The following PLA2G4C variants were observed in gnomAD, a reference collection of about 807,000 sequenced individuals.
The protein encoded by PLA2G4C is cytosolic phospholipase A2 gamma.
PLA2G4C carries 64 observed loss-of-function variants against 73.8 expected under a neutral mutation model. The observed-to-expected ratio is 0.87, with a 90% CI of 0.71 to 1.07. The LOEUF (loss-of-function observed/expected upper bound fraction) is 1.07, where lower values mean the gene tolerates loss of function less well. Among genes scored for constraint, PLA2G4C ranks in the 50% least tolerant of loss-of-function variants. The probability of loss-of-function intolerance (pLI) is 0.00; values close to 1 mark genes in which losing one functional copy is unlikely to be tolerated. For missense variants in PLA2G4C, 622 were observed against 665.4 expected, an observed-to-expected ratio of 0.93 and a Z score of 0.72; for synonymous variants, 254 against 252.1, an observed-to-expected ratio of 1.01 and a Z score of -0.07.
chr19:48,087,700 C>T (rs1259594349), intron 9 of PLA2G4C, among the ~76,000 whole-genome samples: 2 of 151,928 alleles, frequency 1.3e-5, no homozygotes, highest in Non-Finnish European at 2.9e-5. Flanking sequence ...TTTGGGAGGC[C>T]GAGGTGGGCG....
In PLA2G4C at chr19:48,065,158, T is replaced by C. The variant is rs537274641; in HGVS notation, c.1102+2633A>G. On this transcript the variant is annotated intron_variant, in intron 13 of 16. Transcript: ENST00000599921. ...GTGGTTGGGGCACAGCCTAGGTTTA[T>C]ACATTTTAGGGAGATATGAGACATC... Among the ~76,000 whole-genome samples, 610 of 151,738 alleles carry C rather than the reference T, an allele frequency of 4.0e-3. 4 individuals carry two copies. Among genetic ancestry groups the C allele is most frequent in the African/African-American group, 0.014 (568 of 41,358 alleles).
Position 48,105,372 on chromosome 19 carries a change from C to T in PLA2G4C, c.81G>A (p.Val27=). 1 of 1,613,904 alleles carries T rather than the reference C, an allele frequency of 6.2e-7. No individual in the cohort carries two copies. Among genetic ancestry groups the T allele is most frequent in the South Asian group, 1.1e-5 (1 of 91,050 alleles). ...KAAVERRRLH[V]LKALKKLRIE... Reference sequence around the variant, plus strand: ...TCCTTAGCTTCTTCAGAGCTTTCAGCACATGAAGTCTTCGTCTCTCCACGG... The same window carrying T: ...TCCTTAGCTTCTTCAGAGCTTTCAGTACATGAAGTCTTCGTCTCTCCACGG... The change falls in exon 3 of 17, where the codon GTG becomes GTA. Residue 27 remains valine, a synonymous_variant. Coordinates refer to ENST00000599921, the MANE Select transcript of PLA2G4C (RefSeq NM_003706.3).
chr19:48,100,047 A>C, intron 4 of PLA2G4C, 187 bp from the exon 5 acceptor site: 3 of 500,942 alleles, frequency 6.0e-6, no homozygotes, highest in Non-Finnish European at 1.1e-5. Flanking sequence ...AGGAGGACTC[A>C]AAATCATCTG....
At position 48,055,041 on chromosome 19, in the gene PLA2G4C, C is replaced by T; in HGVS notation, c.1266G>A (p.Arg422=). The T allele has an allele frequency of 6.2e-7, 1 of 1,606,282 alleles. No homozygotes were observed. The highest frequency in any genetic ancestry group is 1.1e-5 in the South Asian group (1 of 89,850). The change falls in exon 15 of 17, where the codon CGG becomes CGA. Residue 422 remains arginine (R), a synonymous_variant. Transcript: ENST00000599921. ...FSAGDPFETI[R]ATTDYCRRHK... is the part of the protein sequence containing the mutation. ...GGCGGCGGCAGTAGTCAGTGGTAGC[C>T]CGGATGGTCTGAGAAGGAGGCAATA...
rs184299466 is a variant in PLA2G4C at position 48,103,030 on chromosome 19, A to G, written c.257+1558T>C. Reference sequence around the variant, plus strand: ...GGAACTAACCCAAAGCTGTTGAAATATAAGGCTTTCGTTGTTGTTGTTTGT... The same window carrying G: ...GGAACTAACCCAAAGCTGTTGAAATGTAAGGCTTTCGTTGTTGTTGTTTGT... On this transcript the variant is annotated intron_variant, in intron 4 of 16. Transcript: ENST00000599921. 2.1e-4 allele frequency among the ~76,000 whole-genome samples: 32 copies of G among 152,298 alleles called. No homozygotes were observed. In the East Asian group the frequency reaches 6.2e-3, roughly 29 times the overall value.
Position 48,110,531 on chromosome 19 carries a change from T to TGCTCCGGAATCCGGTACGGAGGCTTGG in PLA2G4C, c.-78_-77insCCAAGCCTCCGTACCGGATTCCGGAGC, listed in dbSNP as rs1555757408. On this transcript the variant is annotated 5_prime_UTR_variant, in exon 1 of 17. Transcript: ENST00000599921. The stretch of plus-strand genomic sequence containing the variant: ...GTGTGCGCATGCGCGGTGGAGCTTG[T>TGCTCCGGAATCCGGTACGGAGGCTTGG]GCTCCGGAATCCGGTGCGGAGGCTT... The TGCTCCGGAATCCGGTACGGAGGCTTGG allele has an allele frequency of 6.3e-4, 875 of 1,387,124 alleles. 8 individuals carry two copies. In the African/African-American group the frequency reaches 0.012, roughly 19 times the overall value. 85.9% of individuals were successfully genotyped at this position (1,387,124 alleles called of 1,614,324 possible). A position where few individuals can be genotyped will look rare whatever the true frequency, so the allele number is the denominator to read the frequency against.
chr19:48,091,883 CAAAAAAAA>C (rs35118449), intron 7 of PLA2G4C, among the ~76,000 whole-genome samples: 3 of 21,090 alleles, frequency 1.4e-4, no homozygotes, highest in East Asian at 2.1e-3. Context: ...GACTCCATCT[CAAAAAAAA>C]AAAAAAAAAA....
At chr19:48,076,871 A>T (rs1452610474) in intron 11 of PLA2G4C, among the ~76,000 whole-genome samples, 1 of 152,192 alleles carries the variant, frequency 6.6e-6, no homozygotes, top group Non-Finnish European at 1.5e-5. Flanking sequence ...TGGGTAAGCA[A>T]AATATAAACC....
intron 10 of PLA2G4C, among the ~76,000 whole-genome samples, chr19:48,082,496 CTTT>C (rs66641645): frequency 1.1e-3 from 120 of 106,264 alleles, no homozygotes; most frequent in Middle Eastern, 5.7e-3. Context: ...TTCTTTCTTT[CTTT>C]TTTTTTTTTT....
chr19:48,099,615 C>T (rs1029172381), intron 5 of PLA2G4C, 56 bp downstream of exon 5: 2 of 1,313,632 alleles, frequency 1.5e-6, no homozygotes, highest in East Asian at 2.3e-5. Context: ...TAACCCCACA[C>T]CCTGAGACCC....
At chr19:48,090,551 C>T (rs1329283562) in intron 7 of PLA2G4C, 134 bp from the exon 8 acceptor site, 2 of 709,224 alleles carry the variant, frequency 2.8e-6, no homozygotes, top group Non-Finnish European at 5.0e-6. Flanking sequence ...TCTTCCATTC[C>T]ATAAATATTT....
chr19:48,055,775 C>T (rs1488491391), intron 14 of PLA2G4C, among the ~76,000 whole-genome samples: 1 of 152,092 alleles, frequency 6.6e-6, no homozygotes. Context: ...GCTGGGATTA[C>T]AGACATGCTC....
At chr19:48,075,193 T>G (rs1423725181) in intron 11 of PLA2G4C, among the ~76,000 whole-genome samples, 1 of 150,936 alleles carries the variant, frequency 6.6e-6, no homozygotes, top group Non-Finnish European at 1.5e-5. Context: ...TTTATTTATT[T>G]ATTTATTTGA....
chr19:48,063,122 G>A lies in PLA2G4C; in HGVS notation c.1103-970C>T, dbSNP rs540632081. Among the ~76,000 whole-genome samples the A allele has an allele frequency of 1.2e-3, 176 of 152,186 alleles. 2 individuals are homozygous for A. Among genetic ancestry groups the A allele is most frequent in the African/African-American group, 4.1e-3 (170 of 41,520 alleles). ...TGCAGTGGCGCAATCTCCACTCACT[G>A]CAACCTCCACCTCCTGGCTTCAAGT... On this transcript the variant is annotated intron_variant, in intron 13 of 16. Coordinates refer to ENST00000599921, the MANE Select transcript of PLA2G4C (RefSeq NM_003706.3).
chr19:48,093,227 T>A (rs908097448), intron 7 of PLA2G4C, among the ~76,000 whole-genome samples: 4 of 152,132 alleles, frequency 2.6e-5, no homozygotes, highest in Non-Finnish European at 4.4e-5. Flanking sequence ...CACCCCTCCA[T>A]CTACCAGGTT....
chr19:48,079,263 T>C (rs1383063219), intron 10 of PLA2G4C, among the ~76,000 whole-genome samples: 1 of 152,020 alleles, frequency 6.6e-6, no homozygotes, highest in Non-Finnish European at 1.5e-5. Flanking sequence ...CATTACCCAA[T>C]CAAATTATAC....
At chr19:48,084,039 TTTGTGTGTG>T (rs1410602116) in intron 10 of PLA2G4C, among the ~76,000 whole-genome samples, 1 of 126,246 alleles carries the variant, frequency 7.9e-6, no homozygotes, top group African/African-American at 3.3e-5. Context: ...GAATGCCAAT[TTTGTGTGTG>T]TGTGTGTGTG....
In PLA2G4C at chr19:48,106,513, A is replaced by C; in HGVS notation, c.8+9T>G. Reference sequence around the variant, plus strand: ...CTTCCCCATAGTGGTCAGCTCTAAGAGGACTTACCTTCCCATGGTGCACTG... The same window carrying C: ...CTTCCCCATAGTGGTCAGCTCTAAGCGGACTTACCTTCCCATGGTGCACTG... On this transcript the variant is annotated intron_variant, in intron 2 of 16. Transcript: ENST00000599921. 1 of 1,604,884 alleles carries C rather than the reference A, an allele frequency of 6.2e-7. No homozygotes were observed. Among genetic ancestry groups the C allele is most frequent in the Non-Finnish European group, 8.5e-7 (1 of 1,171,556 alleles).
In PLA2G4C at chr19:48,094,817, TA is replaced by T. The variant is rs146642755; in HGVS notation, c.709+646del. Among the ~76,000 whole-genome samples, 732 of 152,228 alleles carry T rather than the reference TA, an allele frequency of 4.8e-3. 5 individuals carry two copies. Among genetic ancestry groups the T allele is most frequent in the African/African-American group, 0.017 (704 of 41,536 alleles). ...TAATTTTTTCTGGAAATACCCCATTTAAAAAAAATTGTATGCCCCTTGCTTT... is the reference window on the plus strand; with the variant it reads ...TAATTTTTTCTGGAAATACCCCATTTAAAAAAATTGTATGCCCCTTGCTTT... On this transcript the variant is annotated intron_variant, in intron 7 of 16. Coordinates refer to ENST00000599921, the MANE Select transcript of PLA2G4C (RefSeq NM_003706.3).
Sources: allele counts gnomAD v4.1 joint callset (sites outside exome capture counted in the v4.1 genomes callset), GRCh38; gene constraint gnomAD v4.1.1; transcripts MANE v1.5; gene names NCBI Gene and HGNC (gene_info 2026-07-23, HGNC 2026-07-21).